The following GRIK2 variants were observed in gnomAD, a reference collection of about 807,000 sequenced individuals.
GRIK2 encodes glutamate receptor ionotropic, kainate 2.
In GRIK2, 32 loss-of-function variants were observed where a neutral mutation model predicts 100.3. That is an observed-to-expected ratio of 0.32 (90% CI 0.24 to 0.43). The LOEUF is 0.43. GRIK2 is among the 20% of genes least tolerant of loss of function. The pLI, the probability that GRIK2 is intolerant of heterozygous loss-of-function variation, is 1.00. For missense variants in GRIK2, 843 were observed against 1,114.9 expected, an observed-to-expected ratio of 0.76 and a Z score of 3.47; for synonymous variants, 417 against 389.4, an observed-to-expected ratio of 1.07 and a Z score of -0.83.
intron 14 of GRIK2, among the ~76,000 whole-genome samples, chr6:101,997,212 G>A (rs959643194): frequency 6.6e-6 from 1 of 151,968 alleles, no homozygotes; most frequent in Non-Finnish European, 1.5e-5. Flanking sequence ...TCACTCCTAA[G>A]TTGCACTATT....
chr6:101,654,082 C>G (rs1280496019), intron 4 of GRIK2, among the ~76,000 whole-genome samples: 1 of 152,154 alleles, frequency 6.6e-6, no homozygotes, highest in Non-Finnish European at 1.5e-5. Context: ...ATAGCATCTA[C>G]TTCACAGTAG....
chr6:101,474,727 G>T (rs1479799438), intron 2 of GRIK2, among the ~76,000 whole-genome samples: 1 of 40,036 alleles, frequency 2.5e-5, no homozygotes, highest in Non-Finnish European at 5.4e-5. Flanking sequence ...AGAGTGGCAG[G>T]CTTTTTTTTT....
At chr6:101,620,823 A>C (rs1423926272) in intron 2 of GRIK2, among the ~76,000 whole-genome samples, 1 of 152,132 alleles carries the variant, frequency 6.6e-6, no homozygotes, top group Non-Finnish European at 1.5e-5. Context: ...ACCAACAATG[A>C]TTCTTTTGGA....
At chr6:102,048,654 A>G (rs1031892868) in intron 15 of GRIK2, among the ~76,000 whole-genome samples, 1 of 152,090 alleles carries the variant, frequency 6.6e-6, no homozygotes, top group African/African-American at 2.4e-5. Context: ...GTGACATATC[A>G]CCTCACACTA....
At chr6:101,705,192 T>C (rs1302888506) in intron 7 of GRIK2, among the ~76,000 whole-genome samples, 2 of 151,448 alleles carry the variant, frequency 1.3e-5, no homozygotes, top group Non-Finnish European at 3.0e-5. Flanking sequence ...TTAATGTGTA[T>C]AACATAACCT....
intron 14 of GRIK2, among the ~76,000 whole-genome samples, chr6:102,002,816 AGTT>A (rs1019983009): frequency 6.6e-5 from 10 of 150,880 alleles, no homozygotes; most frequent in Non-Finnish European, 1.2e-4. Context: ...TAATTTCATC[AGTT>A]GTTATTTATA....
intron 6 of GRIK2, among the ~76,000 whole-genome samples, chr6:101,685,784 A>C (rs1030378453): frequency 1.3e-4 from 17 of 134,546 alleles, no homozygotes; most frequent in African/African-American, 2.6e-4. Context: ...AAACACTGAC[A>C]AAAAAAAAAT....
chr6:101,677,660 T>G (rs1481180077), intron 5 of GRIK2, among the ~76,000 whole-genome samples: 1 of 152,120 alleles, frequency 6.6e-6, no homozygotes, highest in African/African-American at 2.4e-5. Flanking sequence ...GGATTTTGTT[T>G]CTTAAACTCT....
chr6:101,438,284 T>C (rs537004258), intron 2 of GRIK2, among the ~76,000 whole-genome samples: 1 of 152,180 alleles, frequency 6.6e-6, no homozygotes, highest in South Asian at 2.1e-4. Flanking sequence ...AAGACATTTA[T>C]TTGTTGTTGT....
intron 2 of GRIK2, among the ~76,000 whole-genome samples, chr6:101,580,689 C>G (rs866644815): frequency 4.0e-4 from 61 of 152,238 alleles, no homozygotes; most frequent in African/African-American, 1.4e-3. Flanking sequence ...CCTCTCTGCC[C>G]TAAGTTCCTA....
chr6:101,924,610 T>G lies in GRIK2; in HGVS notation c.1758T>G (p.Pro586=). 6.5e-7 allele frequency: 1 copy of G among 1,541,466 alleles called. No individual in the cohort carries two copies. Among genetic ancestry groups the G allele is most frequent in the Non-Finnish European group, 9.0e-7 (1 of 1,114,156 alleles). Residue 586 remains proline (P), a synonymous_variant, in exon 13 of 17, where the codon CCT becomes CCG. Coordinates refer to ENST00000369134, the MANE Select transcript of GRIK2 (RefSeq NM_021956.5). ...CVLFVIARFS[P]YEWYNPHPCN... is the part of the protein sequence containing the mutation. ...CTGTCAATTACCACAGGTTTAGTCC[T>G]TATGAGTGGTATAATCCACACCCTT...
chr6:101,804,065 A>G (rs1322527796), intron 9 of GRIK2, among the ~76,000 whole-genome samples: 3 of 151,970 alleles, frequency 2.0e-5, no homozygotes, highest in African/African-American at 4.8e-5. Context: ...AAATAAATAC[A>G]ATCAAAAGCT....
At chr6:101,557,235 TTG>T (rs1339949067) in intron 2 of GRIK2, among the ~76,000 whole-genome samples, 1 of 152,220 alleles carries the variant, frequency 6.6e-6, no homozygotes, top group African/African-American at 2.4e-5. Flanking sequence ...TTGGCTTTTA[TTG>T]TTAGACCATT....
chr6:101,983,592 G>T (rs189328233), intron 14 of GRIK2, among the ~76,000 whole-genome samples: 156 of 151,774 alleles, frequency 1.0e-3, no homozygotes, highest in Admixed American at 3.1e-3. Context: ...TATTATCTGG[G>T]ATAGAAAATA....
chr6:101,967,937 A>G (rs532122777), intron 14 of GRIK2, among the ~76,000 whole-genome samples: 1 of 147,632 alleles, frequency 6.8e-6, no homozygotes, highest in South Asian at 2.2e-4. Flanking sequence ...CCCACCCCCC[A>G]CCATATAAAC....
At chr6:102,040,775 G>A (rs1770523341) in intron 15 of GRIK2, among the ~76,000 whole-genome samples, 1 of 151,558 alleles carries the variant, frequency 6.6e-6, no homozygotes, top group South Asian at 2.1e-4. Context: ...CATTATAGAT[G>A]CATAAAATTG....
chr6:102,041,287 A>G (rs896309114), intron 15 of GRIK2, among the ~76,000 whole-genome samples: 3 of 151,664 alleles, frequency 2.0e-5, no homozygotes, highest in African/African-American at 4.8e-5. Context: ...GTTCTGACAG[A>G]TTTTATACAC....
intron 7 of GRIK2, among the ~76,000 whole-genome samples, chr6:101,708,548 A>T (rs1773492981): frequency 6.6e-6 from 1 of 151,680 alleles, no homozygotes; most frequent in Non-Finnish European, 1.5e-5. Flanking sequence ...TTTAAAATTT[A>T]CCTTCTTTTA....
At chr6:102,011,577 CTTTTTTTTT>C (rs763369559) in intron 14 of GRIK2, among the ~76,000 whole-genome samples, 1 of 76,650 alleles carries the variant, frequency 1.3e-5, no homozygotes, top group Non-Finnish European at 2.2e-5. Flanking sequence ...CTTTCTTTTC[CTTTTTTTTT>C]TTTTTTTTTT....
Sources: allele counts gnomAD v4.1 joint callset (sites outside exome capture counted in the v4.1 genomes callset), GRCh38; gene constraint gnomAD v4.1.1; transcripts MANE v1.5; gene names NCBI Gene and HGNC (gene_info 2026-07-23, HGNC 2026-07-21).